Variants in TRMT11 observed in about 807,000 individuals in gnomAD.
TRMT11 encodes tRNA (guanine(10)-N(2))-methyltransferase TRMT11.
A neutral mutation model predicts 62.8 loss-of-function variants in TRMT11; 53 were observed. That is an observed-to-expected ratio of 0.84 (90% CI 0.68 to 1.06). TRMT11 has a LOEUF of 1.06. Among genes scored for constraint, TRMT11 ranks in the 50% least tolerant of loss-of-function variants. TRMT11 has a pLI of 0.00. For synonymous variants in TRMT11, 188 were observed against 190.3 expected, an observed-to-expected ratio of 0.99 and a Z score of 0.10; for missense variants, 556 against 553.4, an observed-to-expected ratio of 1.00 and a Z score of -0.05.
chr6:126,115,305 C>T lies in TRMT11; in HGVS notation c.*1562-40C>T, dbSNP rs112802993. 1.7e-3 allele frequency among the ~76,000 whole-genome samples: 264 copies of T among 152,198 alleles called. 1 individual carries two copies. Among genetic ancestry groups the T allele is most frequent in the Non-Finnish European group, 9.6e-4 (65 of 68,002 alleles). ...TCTGTAGTTCTTGACTTTGCCTGTA[C>T]GTTATAAACACTTGGTATTTTAATA... On this transcript the variant is annotated intron_variant and NMD_transcript_variant, in intron 19 of 22. Transcript: ENST00000648977.
intron 7 of TRMT11, among the ~76,000 whole-genome samples, chr6:126,004,642 G>A (rs947274985): frequency 7.9e-5 from 12 of 151,918 alleles, no homozygotes; most frequent in Non-Finnish European, 1.3e-4. Context: ...CAAAACATTT[G>A]TTGATATTTT....
At chr6:126,128,980 T>G (rs1351877195) in intron 21 of TRMT11, among the ~76,000 whole-genome samples, 1 of 151,472 alleles carries the variant, frequency 6.6e-6, no homozygotes, top group Non-Finnish European at 1.5e-5. Flanking sequence ...CTAGAGCCAT[T>G]GCTTCCAGAG....
downstream of TRMT11, among the ~76,000 whole-genome samples, chr6:126,205,858 A>C (rs975506837): frequency 7.2e-5 from 11 of 151,912 alleles, no homozygotes; most frequent in Admixed American, 4.6e-4. Context: ...AGACAAACAC[A>C]CAGACAACAA....
intron 21 of TRMT11, among the ~76,000 whole-genome samples, chr6:126,127,621 A>G (rs1473330299): frequency 6.6e-6 from 1 of 151,534 alleles, no homozygotes; most frequent in East Asian, 2.0e-4. Flanking sequence ...TTCATTTAAC[A>G]TTAGGTATAT....
intron 17 of TRMT11, among the ~76,000 whole-genome samples, chr6:126,089,680 T>A (rs1777252667): frequency 6.6e-6 from 1 of 152,042 alleles, no homozygotes; most frequent in Non-Finnish European, 1.5e-5. Flanking sequence ...AATCCAAGGG[T>A]GATGGAAAAA....
intron 3 of TRMT11, among the ~76,000 whole-genome samples, chr6:125,996,320 G>T (rs771108246): frequency 6.6e-6 from 1 of 152,186 alleles, no homozygotes; most frequent in Admixed American, 6.5e-5. Context: ...ATGTTCTTAC[G>T]CAGGATAGAT....
chr6:126,263,560 C>T, the TRMT11 span, among the ~76,000 whole-genome samples: 1 of 152,272 alleles, frequency 6.6e-6, no homozygotes, highest in East Asian at 1.9e-4. Flanking sequence ...AGGTAATAAA[C>T]ATTTATCTCC....
At chr6:126,170,627 C>T (rs1389646284) in intron 21 of TRMT11, among the ~76,000 whole-genome samples, 1 of 151,950 alleles carries the variant, frequency 6.6e-6, no homozygotes, top group Non-Finnish European at 1.5e-5. Context: ...CCTGTGAGCT[C>T]GCCAGAACTG....
the TRMT11 span, among the ~76,000 whole-genome samples, chr6:126,231,541 G>A: frequency 2.6e-5 from 4 of 152,156 alleles, no homozygotes; most frequent in Non-Finnish European, 4.4e-5. Flanking sequence ...GGTTTTGGGG[G>A]AGTCAAAAGT....
At chr6:126,015,254 CT>C (rs1395053056) in intron 11 of TRMT11, among the ~76,000 whole-genome samples, 1 of 152,026 alleles carries the variant, frequency 6.6e-6, no homozygotes, top group Non-Finnish European at 1.5e-5. Flanking sequence ...GAGATGGAGT[CT>C]CACTCTGTCA....
intron 16 of TRMT11, among the ~76,000 whole-genome samples, chr6:126,047,871 C>T (rs1434011413): frequency 6.6e-6 from 1 of 152,228 alleles, no homozygotes; most frequent in Non-Finnish European, 1.5e-5. Flanking sequence ...CTTAAGCCAG[C>T]TAGCCTGCTG....
intron 21 of TRMT11, among the ~76,000 whole-genome samples, chr6:126,131,282 C>CTTAGT (rs1187643881): frequency 6.6e-6 from 1 of 151,970 alleles, no homozygotes; most frequent in Non-Finnish European, 1.5e-5. Context: ...CTGGATAACT[C>CTTAGT]TTAGGTTTAA....
chr6:126,086,690 A>G (rs905053618), intron 17 of TRMT11, among the ~76,000 whole-genome samples: 2 of 152,176 alleles, frequency 1.3e-5, no homozygotes, highest in Non-Finnish European at 2.9e-5. Flanking sequence ...GGCATTGCAT[A>G]CTAGGTCTTT....
intron 17 of TRMT11, among the ~76,000 whole-genome samples, chr6:126,083,130 G>T (rs1267220674): frequency 6.6e-6 from 1 of 152,160 alleles, no homozygotes; most frequent in Non-Finnish European, 1.5e-5. Context: ...TTTTAACCAT[G>T]ATTGTTTGCT....
chr6:126,033,477 G>T (rs1042453658), intron 12 of TRMT11, among the ~76,000 whole-genome samples: 2 of 152,092 alleles, frequency 1.3e-5, no homozygotes, highest in African/African-American at 4.8e-5. Flanking sequence ...ATAAGGTCAC[G>T]TTTATATACC....
At chr6:126,093,631 A>T (rs9401862) in intron 17 of TRMT11, among the ~76,000 whole-genome samples, 15,494 of 97,932 alleles carry the variant, frequency 0.16, 3,610 homozygotes, top group African/African-American at 0.49. Context: ...ATATATATAT[A>T]TTTTCCCCCA....
chr6:126,077,226 G>A (rs928479538), intron 17 of TRMT11, among the ~76,000 whole-genome samples: 4 of 152,158 alleles, frequency 2.6e-5, no homozygotes, highest in African/African-American at 9.7e-5. Context: ...TTAATTATTT[G>A]TCTTTATTTA....
chr6:126,110,869 T>C (rs902207081), intron 17 of TRMT11, among the ~76,000 whole-genome samples: 10 of 152,174 alleles, frequency 6.6e-5, no homozygotes, highest in Admixed American at 6.6e-4. Flanking sequence ...GAACTAGATG[T>C]CAACTCTACT....
intron 18 of TRMT11, among the ~76,000 whole-genome samples, chr6:126,113,185 AT>A (rs1321419356): frequency 1.3e-5 from 2 of 152,034 alleles, no homozygotes; most frequent in Non-Finnish European, 2.9e-5. Flanking sequence ...GTTCCCCCAT[AT>A]TGACCTGAAG....
Sources: allele counts gnomAD v4.1 joint callset (sites outside exome capture counted in the v4.1 genomes callset), GRCh38; gene constraint gnomAD v4.1.1; transcripts MANE v1.5; gene names NCBI Gene and HGNC (gene_info 2026-07-23, HGNC 2026-07-21).